Variants in CSMD1 observed in about 807,000 individuals in gnomAD.
CSMD1 encodes the protein CUB and Sushi multiple domains 1.
Under a neutral mutation model 417.5 loss-of-function variants are expected in CSMD1, and 213 were observed. That is an observed-to-expected ratio of 0.51 (90% CI 0.46 to 0.57). CSMD1 has a LOEUF of 0.57. Ranked by LOEUF, CSMD1 falls within the 20% of genes least tolerant of loss-of-function variation. The pLI is 0.00. For synonymous variants in CSMD1, 2,862 were observed against 1,736.8 expected (o/e 1.65, Z -16.11); for missense variants, 6,923 against 4,529.7 (o/e 1.53, Z -15.17).
At chr8:3,157,118 G>T (rs1329468046) in intron 39 of CSMD1, among the ~76,000 whole-genome samples, 1 of 151,990 alleles carries the variant, frequency 6.6e-6, no homozygotes, top group Non-Finnish European at 1.5e-5. Flanking sequence ...TCAAGTAACT[G>T]ACCATGATCC....
chr8:4,142,119 G>C (rs1803828456), intron 3 of CSMD1, among the ~76,000 whole-genome samples: 1 of 151,040 alleles, frequency 6.6e-6, no homozygotes, highest in South Asian at 2.1e-4. Flanking sequence ...ACATTTGTTA[G>C]CAGATATCCA....
chr8:4,575,341 G>A (rs73184973), intron 2 of CSMD1, among the ~76,000 whole-genome samples: 2,444 of 152,256 alleles, frequency 0.016, 34 homozygotes, highest in Non-Finnish European at 0.027. Flanking sequence ...GGCAATAACA[G>A]GTCACATTTT....
chr8:4,307,269 G>A (rs138018691), intron 3 of CSMD1, among the ~76,000 whole-genome samples: 4 of 152,220 alleles, frequency 2.6e-5, no homozygotes, highest in African/African-American at 7.2e-5. Flanking sequence ...ACAGAGGGCT[G>A]TTGATATCTC....
intron 10 of CSMD1, among the ~76,000 whole-genome samples, chr8:3,497,642 G>C (rs571967669): frequency 2.0e-5 from 3 of 152,160 alleles, no homozygotes; most frequent in South Asian, 4.1e-4. Context: ...GTTTCTGTTT[G>C]CATGGACTAT....
At chr8:3,045,219 A>C (rs754711908) in intron 50 of CSMD1, among the ~76,000 whole-genome samples, 1 of 152,188 alleles carries the variant, frequency 6.6e-6, no homozygotes, top group Non-Finnish European at 1.5e-5. Context: ...CATGTTACTG[A>C]ACATATCATA....
At chr8:4,661,006 T>C (rs921098162) in intron 1 of CSMD1, among the ~76,000 whole-genome samples, 6 of 152,154 alleles carry the variant, frequency 3.9e-5, no homozygotes, top group East Asian at 3.9e-4. Context: ...GGATCATACA[T>C]ACATTGCTGG....
At chr8:4,211,498 TTGAA>T (rs971620848) in intron 3 of CSMD1, among the ~76,000 whole-genome samples, 2 of 152,244 alleles carry the variant, frequency 1.3e-5, no homozygotes, top group African/African-American at 4.8e-5. Context: ...CACTGGGTGT[TTGAA>T]TGTATTTATT....
At chr8:4,604,508 A>T (rs1163508174) in intron 2 of CSMD1, among the ~76,000 whole-genome samples, 2 of 151,846 alleles carry the variant, frequency 1.3e-5, no homozygotes, top group Non-Finnish European at 2.9e-5. Context: ...TTAGCTTCTG[A>T]CTTGATTATG....
At chr8:4,604,873 G>T (rs1297798932) in intron 2 of CSMD1, among the ~76,000 whole-genome samples, 1 of 152,188 alleles carries the variant, frequency 6.6e-6, no homozygotes, top group African/African-American at 2.4e-5. Flanking sequence ...AATTATTGAA[G>T]ATTTACTTTG....
chr8:4,772,802 A>C (rs954498397), intron 1 of CSMD1, among the ~76,000 whole-genome samples: 1 of 152,184 alleles, frequency 6.6e-6, no homozygotes, highest in Non-Finnish European at 1.5e-5. Context: ...GTACTCATCT[A>C]ATTTCGGATA....
chr8:3,241,026 C>A (rs979187323), intron 26 of CSMD1, among the ~76,000 whole-genome samples: 2 of 148,974 alleles, frequency 1.3e-5, no homozygotes, highest in Non-Finnish European at 3.0e-5. Context: ...GATCGGTCAC[C>A]AAGGAGGGAG....
intron 2 of CSMD1, among the ~76,000 whole-genome samples, chr8:4,619,356 T>A (rs1801645391): frequency 6.6e-6 from 1 of 152,174 alleles, no homozygotes; most frequent in Admixed American, 6.6e-5. Context: ...TGTCAATATT[T>A]AGCATCAAGA....
At chr8:3,711,516 G>A (rs955887750) in intron 6 of CSMD1, among the ~76,000 whole-genome samples, 1 of 152,182 alleles carries the variant, frequency 6.6e-6, no homozygotes, top group African/African-American at 2.4e-5. Flanking sequence ...CTCAGAGAGG[G>A]ACTTGCTCTG....
chr8:3,792,372 A>G (rs1350028511), intron 5 of CSMD1, among the ~76,000 whole-genome samples: 2 of 152,202 alleles, frequency 1.3e-5, no homozygotes, highest in Non-Finnish European at 2.9e-5. Context: ...ATGATCATTA[A>G]TGTAGCCACT....
intron 3 of CSMD1, among the ~76,000 whole-genome samples, chr8:4,331,663 G>GC (rs1176227242): frequency 1.3e-5 from 2 of 152,066 alleles, no homozygotes; most frequent in Non-Finnish European, 2.9e-5. Flanking sequence ...CTAAAAGGTA[G>GC]CCATCCCAGA....
In CSMD1 at chr8:3,439,142, A is replaced by G. The variant is rs1307222890; in HGVS notation, c.1562-29537T>C. 4.2e-3 allele frequency among the ~76,000 whole-genome samples: 545 copies of G among 130,378 alleles called. 46 individuals are homozygous for G. Among genetic ancestry groups the G allele is most frequent in the African/African-American group, 0.017 (522 of 31,070 alleles). 85.5% of individuals were successfully genotyped at this position (130,378 alleles called of 152,430 possible). Reference sequence around the variant, plus strand: ...CATCTCAAAAAAAAAAAAAAAAAAAAAAAAAAAAAACCAAGAAAAAAAAAA... The same window carrying G: ...CATCTCAAAAAAAAAAAAAAAAAAAGAAAAAAAAAACCAAGAAAAAAAAAA... On this transcript the variant is annotated intron_variant, in intron 12 of 69. Coordinates refer to ENST00000635120, the MANE Select transcript of CSMD1 (RefSeq NM_033225.6).
At chr8:3,916,748 AC>A (rs1746264995) in intron 5 of CSMD1, among the ~76,000 whole-genome samples, 1 of 152,156 alleles carries the variant, frequency 6.6e-6, no homozygotes, top group African/African-American at 2.4e-5. Flanking sequence ...AGAATGTGTC[AC>A]AAAACTAGAG....
intron 3 of CSMD1, among the ~76,000 whole-genome samples, chr8:4,234,797 T>A (rs746018052): frequency 6.6e-6 from 1 of 152,042 alleles, no homozygotes; most frequent in Non-Finnish European, 1.5e-5. Context: ...CAGATAATCA[T>A]GAGAAACTGG....
At chr8:4,582,079 T>G (rs75017942) in intron 2 of CSMD1, among the ~76,000 whole-genome samples, 1 of 152,146 alleles carries the variant, frequency 6.6e-6, no homozygotes, top group Non-Finnish European at 1.5e-5. Context: ...CTCTTTTTTT[T>G]TTTTGGTTTG....
Sources: gnomAD v4.1 joint callset for allele counts (sites outside exome capture counted in the v4.1 genomes callset) on GRCh38, gnomAD v4.1.1 for gene constraint, MANE v1.5 for transcripts, NCBI Gene and HGNC (gene_info 2026-07-23, HGNC 2026-07-21) for gene names.